ADAM23: variants seen among roughly 807,000 people sequenced by gnomAD.
ADAM23 encodes the protein ADAM metallopeptidase domain 23.
A neutral mutation model predicts 120.1 loss-of-function variants in ADAM23; 33 were observed. The observed-to-expected ratio is 0.27, with a 90% CI of 0.21 to 0.37. ADAM23 has a LOEUF of 0.37. ADAM23 is among the 10% of genes least tolerant of loss of function. The probability of loss-of-function intolerance (pLI) is 1.00; values close to 1 mark genes in which losing one functional copy is unlikely to be tolerated. For synonymous variants in ADAM23, 367 were observed against 375.2 expected (o/e 0.98, Z 0.25); for missense variants, 862 against 1,058.2 (o/e 0.81, Z 2.57).
chr2:206,579,855 G>A lies in ADAM23; in HGVS notation c.1737+6660G>A, dbSNP rs189635332. Among the ~76,000 whole-genome samples, 234 of 152,190 alleles carry A rather than the reference G, an allele frequency of 1.5e-3. 2 individuals are homozygous for A. Among genetic ancestry groups the A allele is most frequent in the African/African-American group, 5.3e-3 (221 of 41,534 alleles). ...CTTCAAATATTGATTCTACCCATCT[G>A]TGAGCATGGGATGTATTTCCATTTG... On this transcript the variant is annotated intron_variant, in intron 18 of 25. Coordinates refer to ENST00000264377, the MANE Select transcript of ADAM23 (RefSeq NM_003812.4).
At chr2:206,531,362 G>C (rs1342162990) in intron 4 of ADAM23, among the ~76,000 whole-genome samples, 1 of 152,142 alleles carries the variant, frequency 6.6e-6, no homozygotes, top group African/African-American at 2.4e-5. Flanking sequence ...GTGAGATTTA[G>C]GTAGTACTTT....
intron 8 of ADAM23, among the ~76,000 whole-genome samples, chr2:206,549,843 A>G (rs890693622): frequency 6.6e-6 from 1 of 152,072 alleles, no homozygotes; most frequent in Admixed American, 6.5e-5. Context: ...AACAACATGG[A>G]CTGTTTTCTA....
rs546412649 is a variant in ADAM23, at chr2:206,510,831, A to G, written c.510-20054A>G. Among the ~76,000 whole-genome samples the G allele has an allele frequency of 9.9e-5, 15 of 152,272 alleles. 1 individual carries two copies. In the South Asian group the frequency reaches 3.1e-3, roughly 32 times the overall value. On this transcript the variant is annotated intron_variant, in intron 3 of 25. Coordinates refer to ENST00000264377, the MANE Select transcript of ADAM23 (RefSeq NM_003812.4). ...AGAGAGCTCGCTTTTTCAGCCTTAG[A>G]TGGTCATATGATTTTTCTTTATCAG...
At chr2:206,520,296 T>C (rs1696816492) in intron 3 of ADAM23, among the ~76,000 whole-genome samples, 1 of 152,088 alleles carries the variant, frequency 6.6e-6, no homozygotes, top group Admixed American at 6.6e-5. Context: ...GTTGGGCTTC[T>C]CCTAGGTAGG....
At chr2:206,539,937 A>G (rs921489248) in intron 4 of ADAM23, among the ~76,000 whole-genome samples, 2 of 152,234 alleles carry the variant, frequency 1.3e-5, no homozygotes, top group Admixed American at 1.3e-4. Flanking sequence ...TAATATAACT[A>G]CACAATTTAG....
intron 4 of ADAM23, among the ~76,000 whole-genome samples, chr2:206,534,589 T>G (rs1421017055): frequency 6.6e-6 from 1 of 152,208 alleles, no homozygotes; most frequent in African/African-American, 2.4e-5. Context: ...AATAAGTTAA[T>G]TTTTAGCATT....
intron 13 of ADAM23, 30 bp downstream of exon 13, chr2:206,562,323 C>T (rs1574535383): frequency 2.1e-5 from 32 of 1,546,196 alleles, no homozygotes; most frequent in Non-Finnish European, 2.9e-5. Context: ...TACTCATTTT[C>T]ATGTGCCATT....
chr2:206,478,227 C>T (rs1257365788), intron 2 of ADAM23, among the ~76,000 whole-genome samples: 4 of 151,836 alleles, frequency 2.6e-5, no homozygotes, highest in Admixed American at 2.6e-4. Context: ...AAATAACATA[C>T]ATCAATATAT....
chr2:206,564,953 C>A, intron 13 of ADAM23, 67 bp from the exon 14 acceptor site: 2 of 1,563,984 alleles, frequency 1.3e-6, no homozygotes, highest in Non-Finnish European at 8.8e-7. Context: ...AGTTGTAATA[C>A]CAAAAAAATA....
intron 3 of ADAM23, among the ~76,000 whole-genome samples, chr2:206,481,813 G>C (rs544033794): frequency 6.6e-6 from 1 of 152,144 alleles, no homozygotes; most frequent in African/African-American, 2.4e-5. Context: ...AAATTTACCC[G>C]ATTGTCTCTG....
At chr2:206,444,353 CTG>C (rs1467435384) in intron 1 of ADAM23, among the ~76,000 whole-genome samples, 5 of 152,216 alleles carry the variant, frequency 3.3e-5, no homozygotes, top group Admixed American at 3.3e-4. Flanking sequence ...TCAGCGATCT[CTG>C]TGCAACTTGC....
intron 3 of ADAM23, among the ~76,000 whole-genome samples, chr2:206,529,503 A>G (rs576034494): frequency 6.6e-6 from 1 of 152,000 alleles, no homozygotes; most frequent in Non-Finnish European, 1.5e-5. Context: ...GGCTCAAGCA[A>G]TCCTTCCACC....
intron 2 of ADAM23, among the ~76,000 whole-genome samples, chr2:206,465,667 G>A (rs1015556755): frequency 1.3e-5 from 2 of 151,992 alleles, no homozygotes; most frequent in East Asian, 1.9e-4. Context: ...TGAAATAACC[G>A]TAATTGAAAT....
Position 206,618,874 on chromosome 2 carries a change from A to G in ADAM23, c.*1247A>G, listed in dbSNP as rs1698987473. On this transcript the variant is annotated 3_prime_UTR_variant, in exon 26 of 26. Transcript: ENST00000264377. The stretch of plus-strand genomic sequence containing the variant: ...GATTAATCACAAAAGTGCCAAGCTC[A>G]TGATTTTGGTTTTCGGTTTTGACAA... 6.6e-6 allele frequency: 1 copy of G among 152,228 alleles called. No homozygotes were observed. The highest frequency in any genetic ancestry group is 2.1e-4 in the South Asian group (1 of 4,826). The allele number at this position is 152,228 out of a possible 1,614,324, so 9.4% of individuals were successfully genotyped here.
intron 3 of ADAM23, among the ~76,000 whole-genome samples, chr2:206,506,887 A>G (rs559745853): frequency 6.6e-6 from 1 of 152,364 alleles, no homozygotes; most frequent in South Asian, 2.1e-4. Context: ...GCATTTTGAC[A>G]TGAAACAGCA....
intron 3 of ADAM23, among the ~76,000 whole-genome samples, chr2:206,529,968 C>T (rs1697017844): frequency 1.3e-5 from 2 of 152,056 alleles, no homozygotes; most frequent in Admixed American, 6.6e-5. Flanking sequence ...CGTGCCACCA[C>T]GCGCGGCTAA....
intron 3 of ADAM23, among the ~76,000 whole-genome samples, chr2:206,512,795 G>C (rs1921665): frequency 5.3e-5 from 8 of 152,172 alleles, no homozygotes; most frequent in Non-Finnish European, 7.4e-5. Context: ...TTTGGGAGCC[G>C]TGCATTGAGC....
intron 4 of ADAM23, among the ~76,000 whole-genome samples, chr2:206,541,160 C>T (rs867212098): frequency 1.8e-4 from 27 of 150,302 alleles, no homozygotes; most frequent in African/African-American, 5.4e-4. Flanking sequence ...GGTAAGACCC[C>T]GTCTCCAAGA....
intron 3 of ADAM23, among the ~76,000 whole-genome samples, chr2:206,491,616 G>C (rs1181374834): frequency 1.3e-5 from 2 of 152,176 alleles, no homozygotes; most frequent in African/African-American, 2.4e-5. Flanking sequence ...AATTCCAGCA[G>C]AAGTTAATTG....
Sources: gnomAD v4.1 joint callset for allele counts (sites outside exome capture counted in the v4.1 genomes callset) on GRCh38, gnomAD v4.1.1 for gene constraint, MANE v1.5 for transcripts, NCBI Gene and HGNC (gene_info 2026-07-23, HGNC 2026-07-21) for gene names.